The following CD82 variants were observed in gnomAD, a reference collection of about 807,000 sequenced individuals.
CD82 encodes CD82 antigen.
In CD82, 36 loss-of-function variants were observed where a neutral mutation model predicts 37.4. The observed-to-expected ratio is 0.96, with a 90% CI of 0.74 to 1.27. CD82 has a LOEUF of 1.27. Among genes scored for constraint, CD82 ranks in the 50% most tolerant of loss-of-function variants. The probability of loss-of-function intolerance (pLI) is 0.00; values close to 1 mark genes in which losing one functional copy is unlikely to be tolerated. For synonymous variants in CD82, 158 were observed against 137.4 expected (o/e 1.15, Z -1.05); for missense variants, 340 against 347.0 (o/e 0.98, Z 0.16).
rs147618713 is a variant in CD82 at position 44,616,971 on chromosome 11, G to A, written c.439-1191G>A. Among the ~76,000 whole-genome samples the A allele has an allele frequency of 2.1e-3, 313 of 152,282 alleles. 2 individuals carry two copies. The highest frequency in any genetic ancestry group is 0.014 in the Middle Eastern group (4 of 294). On this transcript the variant is annotated intron_variant, in intron 7 of 9. Transcript: ENST00000227155. ...TTTTCTTGGAGAGAGGAGGCAGCCC[G>A]GCTGCTGGAACAAGCACCTGTAAAC...
chr11:44,584,004 A>G (rs1261375639), intron 1 of CD82, among the ~76,000 whole-genome samples: 8 of 152,118 alleles, frequency 5.3e-5, no homozygotes, highest in African/African-American at 1.9e-4. Flanking sequence ...TGGGCTCTGA[A>G]ATCCTGTGAT....
chr11:44,617,820 C>A (rs1292239753), intron 7 of CD82, among the ~76,000 whole-genome samples: 2 of 152,162 alleles, frequency 1.3e-5, no homozygotes, highest in Admixed American at 1.3e-4. Flanking sequence ...AGGCTAGTTC[C>A]TTGATGGAGG....
At chr11:44,589,277 CA>C (rs199660505) in intron 2 of CD82, among the ~76,000 whole-genome samples, 1,775 of 152,290 alleles carry the variant, frequency 0.012, 39 homozygotes, top group African/African-American at 0.041. Flanking sequence ...CCACCACCAC[CA>C]TAACAAAGAT....
At chr11:44,605,651 AC>A (rs1853384177) in intron 6 of CD82, among the ~76,000 whole-genome samples, 1 of 151,124 alleles carries the variant, frequency 6.6e-6, no homozygotes, top group Non-Finnish European at 1.5e-5. Context: ...TCTTAGCCTG[AC>A]CCCCCTGCTT....
chr11:44,618,462 C>T (rs1472478948), intron 8 of CD82, 97 bp downstream of exon 8: 1 of 1,163,810 alleles, frequency 8.6e-7, no homozygotes, highest in East Asian at 2.4e-5. Context: ...TAGTTCCTTC[C>T]CTTAATTCAT....
At chr11:44,603,781 A>G (rs1412036713) in intron 4 of CD82, among the ~76,000 whole-genome samples, 1 of 151,886 alleles carries the variant, frequency 6.6e-6, no homozygotes, top group Non-Finnish European at 1.5e-5. Flanking sequence ...CCTGACCTCT[A>G]CCTCCCGGAA....
At chr11:44,616,054 T>C (rs1853559793) in intron 7 of CD82, among the ~76,000 whole-genome samples, 1 of 152,150 alleles carries the variant, frequency 6.6e-6, no homozygotes, top group Admixed American at 6.5e-5. Context: ...GCATGTGCCC[T>C]TGGCTGGGAC....
intron 1 of CD82, among the ~76,000 whole-genome samples, chr11:44,583,170 G>A (rs1853005477): frequency 6.6e-6 from 1 of 152,224 alleles, no homozygotes; most frequent in Non-Finnish European, 1.5e-5. Context: ...GGCCCAAGCA[G>A]CTGGCTAAGA....
intron 6 of CD82, among the ~76,000 whole-genome samples, chr11:44,614,532 C>T (rs1004082660): frequency 2.6e-5 from 4 of 152,202 alleles, no homozygotes; most frequent in Non-Finnish European, 5.9e-5. Flanking sequence ...AGATGTGGTC[C>T]CTGCCCCCAC....
intron 1 of CD82, among the ~76,000 whole-genome samples, chr11:44,572,156 A>G (rs1404330022): frequency 6.6e-6 from 1 of 152,218 alleles, no homozygotes; most frequent in Non-Finnish European, 1.5e-5. Flanking sequence ...GAAGGAAGGA[A>G]GGCTGTAGTG....
chr11:44,571,964 T>G (rs1852820478), intron 1 of CD82, among the ~76,000 whole-genome samples: 1 of 152,210 alleles, frequency 6.6e-6, no homozygotes, highest in Non-Finnish European at 1.5e-5. Flanking sequence ...CCAGCTCATC[T>G]TTTACTTGCT....
chr11:44,568,018 G>C (rs2134608540), intron 1 of CD82, among the ~76,000 whole-genome samples: 1 of 152,360 alleles, frequency 6.6e-6, no homozygotes, highest in Non-Finnish European at 1.5e-5. Context: ...GGGAATAGTA[G>C]GTGGGATCAG....
At chr11:44,574,760 G>T (rs921822523) in intron 1 of CD82, among the ~76,000 whole-genome samples, 6 of 152,164 alleles carry the variant, frequency 3.9e-5, no homozygotes, top group African/African-American at 1.4e-4. Context: ...ACCACTTCCT[G>T]CACTGCCACT....
chr11:44,589,569 G>A (rs1853108914), intron 2 of CD82, among the ~76,000 whole-genome samples: 2 of 152,320 alleles, frequency 1.3e-5, no homozygotes, highest in South Asian at 2.1e-4. Context: ...CCAGCTCCGG[G>A]TCATTGAGTC....
intron 1 of CD82, among the ~76,000 whole-genome samples, chr11:44,581,904 T>C (rs1270621182): frequency 6.6e-6 from 1 of 152,226 alleles, no homozygotes; most frequent in African/African-American, 2.4e-5. Context: ...GAGAGAATTC[T>C]GAAATGCTGT....
At chr11:44,589,931 T>G (rs963288146) in intron 2 of CD82, among the ~76,000 whole-genome samples, 4 of 152,064 alleles carry the variant, frequency 2.6e-5, no homozygotes, top group Non-Finnish European at 4.4e-5. Flanking sequence ...CCTCCTGGGT[T>G]TACACCATTC....
chr11:44,612,234 A>C (rs1590349390), intron 6 of CD82, among the ~76,000 whole-genome samples: 1 of 152,090 alleles, frequency 6.6e-6, no homozygotes, highest in Non-Finnish European at 1.5e-5. Flanking sequence ...ATAGGTAAAA[A>C]CCTGGGTTCT....
chr11:44,566,535 G>A (rs1852738489), intron 1 of CD82, among the ~76,000 whole-genome samples: 1 of 152,212 alleles, frequency 6.6e-6, no homozygotes, highest in Non-Finnish European at 1.5e-5. Flanking sequence ...GGCCCCAGTA[G>A]CGGGGCAGCA....
Position 44,618,339 on chromosome 11 carries a change from C to A in CD82, c.616C>A (p.Pro206Thr). 6.2e-7 allele frequency: 1 copy of A among 1,613,456 alleles called. No individual in the cohort carries two copies. The highest frequency in any genetic ancestry group is 8.5e-7 in the Non-Finnish European group (1 of 1,179,988). ...PGNRTQSGNH[P>T]EDWPVYQEGC... Reference sequence around the variant, plus strand: ...CAACAGGACCCAGAGTGGCAACCACCCTGAGGACTGGCCTGTGTACCAGGA... The same window carrying A: ...CAACAGGACCCAGAGTGGCAACCACACTGAGGACTGGCCTGTGTACCAGGA... The change falls in exon 8 of 10, where the codon CCT becomes ACT. Residue 206 changes from proline to threonine, a missense_variant. Physicochemically the swap from Pro to Thr is conservative, Grantham distance 38. Coordinates refer to ENST00000227155, the MANE Select transcript of CD82 (RefSeq NM_002231.4).
Sources: allele counts gnomAD v4.1 joint callset (sites outside exome capture counted in the v4.1 genomes callset), GRCh38; gene constraint gnomAD v4.1.1; transcripts MANE v1.5; gene names NCBI Gene and HGNC (gene_info 2026-07-23, HGNC 2026-07-21).